The following TTN variants were observed in gnomAD, a reference collection of about 807,000 sequenced individuals.
The protein encoded by TTN is connectin.
Under a neutral mutation model 3,223.0 loss-of-function variants are expected in TTN, and 1,525 were observed. That is an observed-to-expected ratio of 0.47 (90% CI 0.45 to 0.49). The LOEUF is 0.49. TTN is among the 20% of genes least tolerant of loss of function. The probability of loss-of-function intolerance (pLI) is 0.00; values close to 1 mark genes in which losing one functional copy is unlikely to be tolerated. For missense variants in TTN, 40,786 were observed against 43,424.0 expected (o/e 0.94, Z 5.40); for synonymous variants, 14,094 against 15,161.0 (o/e 0.93, Z 5.17).
rs397517691 is a variant in TTN at position 178,574,027 on chromosome 2, A to G, written c.72105T>C (p.Phe24035=). 8.2e-4 allele frequency: 1,316 copies of G among 1,613,454 alleles called. 17 individuals carry two copies. The South Asian group carries it at 0.014, about 17-fold the overall frequency. ...EAPKIKVDVK[F]KDTVILKAGE... is the part of the protein sequence containing the mutation. ...CTGCTTTTAATATAACCGTGTCCTTAAATTTAACATCCACCTTTATCTTTG... is the reference window on the plus strand; with the variant it reads ...CTGCTTTTAATATAACCGTGTCCTTGAATTTAACATCCACCTTTATCTTTG... Residue 24035 remains phenylalanine (F), a synonymous_variant, in exon 326 of 363, where the codon TTT becomes TTC. Transcript: ENST00000589042.
chr2:178,657,429 A>ATC, intron 189 of TTN, 69 bp downstream of exon 189: 4 of 795,578 alleles, frequency 5.0e-6, no homozygotes, highest in Non-Finnish European at 6.5e-6. Flanking sequence ...ATATATATAT[A>ATC]TAAAAAGAAA....
rs1200157226 is a variant in TTN, at chr2:178,741,927, T to C, written c.11312-6A>G. 2 of 1,455,300 alleles carry C rather than the reference T, an allele frequency of 1.4e-6. No homozygotes were observed. The highest frequency in any genetic ancestry group is 9.0e-7 in the Non-Finnish European group (1 of 1,105,282). 90.1% of individuals were successfully genotyped at this position (1,455,300 alleles called of 1,614,324 possible). A position where few individuals can be genotyped will look rare whatever the true frequency, so the allele number is the denominator to read the frequency against. ...CAGAAAAGAACTAGAAAACTCTGTA[T>C]GGGGAAAAATGATTATTATTTTACT... On this transcript the variant is annotated splice_polypyrimidine_tract_variant and splice_region_variant and intron_variant, in intron 47 of 362. Coordinates refer to ENST00000589042, the MANE Select transcript of TTN (RefSeq NM_001267550.2).
Position 178,621,411 on chromosome 2 carries a change from G to T in TTN, c.45350-43C>A, listed in dbSNP as rs72677224. 1.1e-3 allele frequency: 1,842 copies of T among 1,607,298 alleles called. 22 individuals are homozygous for T. The African/African-American group carries it at 0.022, about 20-fold the overall frequency. On this transcript the variant is annotated intron_variant, in intron 245 of 362. Coordinates refer to ENST00000589042, the MANE Select transcript of TTN (RefSeq NM_001267550.2). ...CAAGATATTAGAAACATATGTCTTT[G>T]TACTTTAAATCTAGCAAGTGTGAAT...
chr2:178,681,091 G>T lies in TTN; in HGVS notation c.33328C>A (p.Pro11110Thr), dbSNP rs565328082. Residue 11110 changes from proline to threonine, a missense_variant, in exon 138 of 363, where the codon CCC becomes ACC. Coordinates refer to ENST00000589042, the MANE Select transcript of TTN (RefSeq NM_001267550.2). The stretch of plus-strand genomic sequence containing the variant: ...GAAATCATTATACCTTTAGCAGCGG[G>T]TTCAGTCACCTGCTCTTTTTCACGT... The part of the protein sequence containing the change: ...TKREKEQVTE[P>T]AAKVPMKPKR... 1.9e-6 allele frequency: 3 copies of T among 1,601,396 alleles called. No homozygotes were observed. Among genetic ancestry groups the T allele is most frequent in the African/African-American group, 2.7e-5 (2 of 74,120 alleles).
rs766674127 is a variant in TTN at position 178,532,300 on chromosome 2, T to C, written c.104315A>G (p.Glu34772Gly). ...QRIMAEREDE[E>G]LLRPVTTTQH... ...GGTGGTCGTAACTGGGCGAAGCAAC[T>C]CTTCATCCTCCCTCTCAGCCATGAT... The change falls in exon 358 of 363, where the codon GAG becomes GGG. Residue 34772 changes from glutamate to glycine, a missense_variant. Physicochemically the swap from Glu to Gly is moderately conservative, Grantham distance 98 (BLOSUM62 -2). Coordinates refer to ENST00000589042, the MANE Select transcript of TTN (RefSeq NM_001267550.2). 8.1e-6 allele frequency: 13 copies of C among 1,614,032 alleles called. No individual in the cohort carries two copies. Among genetic ancestry groups the C allele is most frequent in the Admixed American group, 1.7e-5 (1 of 60,024 alleles).
In TTN at chr2:178,569,353, A is replaced by G. The variant is rs1707263407; in HGVS notation, c.76779T>C (p.Phe25593=). 2.5e-6 allele frequency: 4 copies of G among 1,613,338 alleles called. No individual in the cohort carries two copies. The highest frequency in any genetic ancestry group is 3.4e-6 in the Non-Finnish European group (4 of 1,179,572). Residue 25593 remains phenylalanine, a synonymous_variant, in exon 326 of 363, where the codon TTT becomes TTC. Transcript: ENST00000589042. The part of the protein sequence containing the change: ...LENSSGTKSA[F]VTVRVLDTPS... ...GCGTGTCCAGAACTCTCACAGTAAC[A>G]AAGGCAGACTTTGTTCCACTGCTGT...
chr2:178,569,159 T>C lies in TTN; in HGVS notation c.76973A>G (p.Asn25658Ser). The change falls in exon 326 of 363, where the codon AAT becomes AGT. Residue 25658 changes from asparagine to serine, a missense_variant. Transcript: ENST00000589042. ...TTGGAGCTGATCGATTTTCCAAGAA[T>C]TCTTATGGCAGTTAGTTACAACAGC... The part of the protein sequence containing the change: ...YAAVVTNCHK[N>S]SWKIDQLQEG... The C allele has an allele frequency of 6.2e-7, 1 of 1,613,354 alleles. No homozygotes were observed. The highest frequency in any genetic ancestry group is 1.7e-5 in the Admixed American group (1 of 59,970).
In TTN at chr2:178,741,818, T is replaced by C. The variant is rs561157636; in HGVS notation, c.11415A>G (p.Pro3805=). The change falls in exon 48 of 363, where the codon CCA becomes CCG. Residue 3805 remains proline, a synonymous_variant. Coordinates refer to ENST00000589042, the MANE Select transcript of TTN (RefSeq NM_001267550.2). ...CGGAATCAAATTTAGTTGGGTAAAC[T>C]GGAGATTCAGACAAAAGTTCAAGTG... ...NETLELLSES[P]VYPTKFDSEK... is the part of the protein sequence containing the mutation. 91 of 1,612,566 alleles carry C rather than the reference T, an allele frequency of 5.6e-5. No homozygotes were observed. The Admixed American group carries it at 8.4e-4, about 15-fold the overall frequency.
rs2154129174 is a variant in TTN, at chr2:178,526,033, A to G, written c.*979T>C. 6.5e-6 allele frequency: 1 copy of G among 152,768 alleles called. No individual in the cohort carries two copies. The highest frequency in any genetic ancestry group is 1.9e-4 in the East Asian group (1 of 5,188). The allele number at this position is 152,768 out of a possible 1,614,324, so 9.5% of individuals were successfully genotyped here. A position where few individuals can be genotyped will look rare whatever the true frequency, so the allele number is the denominator to read the frequency against. On this transcript the variant is annotated 3_prime_UTR_variant, in exon 363 of 363. Transcript: ENST00000589042. Reference sequence around the variant, plus strand: ...TGCTTTATTTTGTTGTTACTATCTCAAGGAGGTCCAACAATTATAACTAAC... The same window carrying G: ...TGCTTTATTTTGTTGTTACTATCTCGAGGAGGTCCAACAATTATAACTAAC...
chr2:178,547,879 C>A lies in TTN; in HGVS notation c.93747G>T (p.Trp31249Cys). The change falls in exon 339 of 363, where the codon TGG (tryptophan) becomes TGT (cysteine). Residue 31249 changes from tryptophan to cysteine, a missense_variant. Physicochemically the swap from Trp to Cys is radical, Grantham distance 215. Transcript: ENST00000589042. The stretch of plus-strand genomic sequence containing the variant: ...CTTTAAGTCTCATTTCTTCCAGTTT[C>A]CATGTTACTTTGGGGGCAGGACGAC... ...ISGRPAPKVT[W>C]KLEEMRLKET... 6.2e-7 allele frequency: 1 copy of A among 1,613,832 alleles called. No homozygotes were observed. Among genetic ancestry groups the A allele is most frequent in the Non-Finnish European group, 8.5e-7 (1 of 1,179,832 alleles).
rs73036373 is a variant in TTN at position 178,561,679 on chromosome 2, T to C, written c.84453A>G (p.Pro28151=). 2.1e-3 allele frequency: 3,407 copies of C among 1,607,268 alleles called. 54 individuals are homozygous for C. In the African/African-American group the frequency reaches 0.033, roughly 15 times the overall value. Residue 28151 remains proline, a synonymous_variant, in exon 326 of 363, where the codon CCA becomes CCG. Coordinates refer to ENST00000589042, the MANE Select transcript of TTN (RefSeq NM_001267550.2). ...SESSAVVAEY[P]FSPPGPPGTP... The stretch of plus-strand genomic sequence containing the variant: ...TACCAGGAGGACCTGGGGGACTGAA[T>C]GGATACTCTGCAACAACAGCTGAAG...
At chr2:178,602,709 C>G in intron 282 of TTN, 119 bp from the exon 283 acceptor site, 1 of 799,214 alleles carries the variant, frequency 1.3e-6, no homozygotes, top group Non-Finnish European at 1.7e-6. Flanking sequence ...AATAGAAATG[C>G]TAAAAGGAAA....
At position 178,589,720 on chromosome 2, in the gene TTN, G is replaced by A. The variant is rs1553641246; in HGVS notation, c.62005C>T (p.Pro20669Ser). The change falls in exon 304 of 363, where the codon CCA becomes TCA. Residue 20669 changes from proline (P) to serine (S), a missense_variant. Transcript: ENST00000589042. ...ATGTGAAGGTTTTCAGGCTCACCTG[G>A]TCTGTCAATAGGGTTAATAGCCAGA... ...PILAINPIDR[P>S]GEPENLHIAD... 1.2e-6 allele frequency: 2 copies of A among 1,613,534 alleles called. No individual in the cohort carries two copies. The highest frequency in any genetic ancestry group is 1.7e-6 in the Non-Finnish European group (2 of 1,179,602).
chr2:178,553,179 T>G lies in TTN; in HGVS notation c.89721A>C (p.Thr29907=), dbSNP rs773008865. Residue 29907 remains threonine (T), a synonymous_variant, in exon 335 of 363, where the codon ACA becomes ACC. Transcript: ENST00000589042. Reference sequence around the variant, plus strand: ...TTTCTATTGTGAGAATATATTTTCCTGTATCATTGCGAGTAACTTGAGGAA... The same window carrying G: ...TTTCTATTGTGAGAATATATTTTCCGGTATCATTGCGAGTAACTTGAGGAA... ...LTIPQVTRND[T]GKYILTIENG... 10 of 1,613,892 alleles carry G rather than the reference T, an allele frequency of 6.2e-6. No homozygotes were observed. Among genetic ancestry groups the G allele is most frequent in the Middle Eastern group, 1.7e-4 (1 of 6,060 alleles).
chr2:178,637,260 GA>G (rs2060616380), intron 224 of TTN, 108 bp downstream of exon 224: 1 of 585,988 alleles, frequency 1.7e-6, no homozygotes, highest in Non-Finnish European at 2.6e-6. Context: ...GAATCAATTA[GA>G]AAAAATAAAA....
intron 69 of TTN, 57 bp from the exon 70 acceptor site, chr2:178,726,103 T>A: frequency 4.0e-6 from 6 of 1,486,088 alleles, no homozygotes; most frequent in Middle Eastern, 1.8e-4. Context: ...AAAATGAAAA[T>A]TTTTTATTTG....
At position 178,694,871 on chromosome 2, in the gene TTN, T is replaced by G; in HGVS notation, c.31306A>C (p.Thr10436Pro). Residue 10436 changes from threonine to proline, a missense_variant, in exon 116 of 363, where the codon ACT (threonine) becomes CCT (proline). Thr to Pro is a conservative substitution (Grantham distance 38). Transcript: ENST00000589042. ...TTTTCTTCCTCCATTCTTCGAGAAG[T>G]CTTTTCAATTTTTTCAATTACTGGC... is the stretch of plus-strand genomic sequence containing the variant. ...KKPVIEKIEKTSRRMEEEKVQ... is the reference protein window; with the variant it reads ...KKPVIEKIEKPSRRMEEEKVQ... The G allele has an allele frequency of 6.4e-7, 1 of 1,559,262 alleles. No homozygotes were observed. The highest frequency in any genetic ancestry group is 8.7e-7 in the Non-Finnish European group (1 of 1,150,020).
Position 178,732,844 on chromosome 2 carries a change from C to A in TTN, c.16332G>T (p.Leu5444=). The A allele has an allele frequency of 6.2e-7, 1 of 1,609,334 alleles. No individual in the cohort carries two copies. Among genetic ancestry groups the A allele is most frequent in the Admixed American group, 1.7e-5 (1 of 59,748 alleles). ...AAGTCTCCAGCCAACCTTGCACAAT[C>A]AGGGCTCCACTGCTGTCTTTGCTTC... The part of the protein sequence containing the change: ...SVGSKDSSGA[L]IVQEPPSFVT... Residue 5444 remains leucine (L), a synonymous_variant, in exon 55 of 363, where the codon CTG becomes CTT. Coordinates refer to ENST00000589042, the MANE Select transcript of TTN (RefSeq NM_001267550.2).
At chr2:178,791,579 A>C (rs1244642498) in intron 10 of TTN, among the ~76,000 whole-genome samples, 1 of 151,152 alleles carries the variant, frequency 6.6e-6, no homozygotes, top group Non-Finnish European at 1.5e-5. Context: ...TTTTTTGAGG[A>C]AGTATTTGCT....
Sources: gnomAD v4.1 joint callset for allele counts (sites outside exome capture counted in the v4.1 genomes callset) on GRCh38, gnomAD v4.1.1 for gene constraint, MANE v1.5 for transcripts, NCBI Gene and HGNC (gene_info 2026-07-23, HGNC 2026-07-21) for gene names.